RBFOX3: variants seen among roughly 807,000 people sequenced by gnomAD.
RBFOX3 encodes RNA binding protein fox-1 homolog 3.
Under a neutral mutation model 48.7 loss-of-function variants are expected in RBFOX3, and 17 were observed. The observed-to-expected ratio is 0.35, with a 90% confidence interval of 0.24 to 0.52. The LOEUF is 0.52. Among genes scored for constraint, RBFOX3 ranks in the 20% least tolerant of loss-of-function variants. The probability of loss-of-function intolerance (pLI) is 0.94; values close to 1 mark genes in which losing one functional copy is unlikely to be tolerated. For synonymous variants in RBFOX3, 212 were observed against 209.5 expected, an observed-to-expected ratio of 1.01 and a Z score of -0.10; for missense variants, 382 against 497.5, an observed-to-expected ratio of 0.77 and a Z score of 2.21.
At chr17:79,353,637 G>T (rs2084384329) in intron 2 of RBFOX3, among the ~76,000 whole-genome samples, 2 of 152,162 alleles carry the variant, frequency 1.3e-5, no homozygotes, top group Non-Finnish European at 2.9e-5. Context: ...GCAAGGAAAA[G>T]CCACGTGATT....
At chr17:79,628,001 C>T in the RBFOX3 span, among the ~76,000 whole-genome samples, 1 of 151,246 alleles carries the variant, frequency 6.6e-6, no homozygotes, top group African/African-American at 2.4e-5. Flanking sequence ...GGCGGCAGAA[C>T]AACTGCACAG....
chr17:79,570,802 G>A (rs1348051339), intron 1 of RBFOX3, among the ~76,000 whole-genome samples: 3 of 152,204 alleles, frequency 2.0e-5, no homozygotes, highest in African/African-American at 7.2e-5. Context: ...AACCCCTGAT[G>A]CAGGGCTCAC....
At chr17:79,399,246 T>C (rs2148375708) in intron 2 of RBFOX3, among the ~76,000 whole-genome samples, 1 of 152,250 alleles carries the variant, frequency 6.6e-6, no homozygotes, top group South Asian at 2.1e-4. Flanking sequence ...CCGTGGCAGT[T>C]TGTTACAGCG....
Position 79,427,871 on chromosome 17 carries a change from C to T in RBFOX3, c.-175+54583G>A, listed in dbSNP as rs74000085. Reference sequence around the variant, plus strand: ...ATGCACACATGAACACGTGTACACACGTCCCTGAGGATGCTTTGTCTCCCA... The same window carrying T: ...ATGCACACATGAACACGTGTACACATGTCCCTGAGGATGCTTTGTCTCCCA... On this transcript the variant is annotated intron_variant, in intron 2 of 14. Coordinates refer to ENST00000693108, the MANE Select transcript of RBFOX3 (RefSeq NM_001350451.2). Among the ~76,000 whole-genome samples, 423 of 152,368 alleles carry T rather than the reference C, an allele frequency of 2.8e-3. 1 individual carries two copies. Among genetic ancestry groups the T allele is most frequent in the African/African-American group, 9.4e-3 (389 of 41,582 alleles).
In RBFOX3 at chr17:79,426,334, C is replaced by T. The variant is rs141724057; in HGVS notation, c.-175+56120G>A. On this transcript the variant is annotated intron_variant, in intron 2 of 14. Coordinates refer to ENST00000693108, the MANE Select transcript of RBFOX3 (RefSeq NM_001350451.2). The stretch of plus-strand genomic sequence containing the variant: ...GGGAGAGGAGGTGTTCTCGTGAATG[C>T]GCCATGTCTTTCTTGCTCGAACAGT... 3.7e-3 allele frequency among the ~76,000 whole-genome samples: 570 copies of T among 152,286 alleles called. 2 individuals carry two copies. The highest frequency in any genetic ancestry group is 0.013 in the African/African-American group (542 of 41,566).
At chr17:79,619,557 G>T in the RBFOX3 span, among the ~76,000 whole-genome samples, 6 of 152,294 alleles carry the variant, frequency 3.9e-5, no homozygotes, top group Non-Finnish European at 8.8e-5. Flanking sequence ...CCCTGATCCT[G>T]TATGACTTCA....
chr17:79,395,963 A>C (rs2061948531), intron 2 of RBFOX3, among the ~76,000 whole-genome samples: 1 of 152,204 alleles, frequency 6.6e-6, no homozygotes, highest in Non-Finnish European at 1.5e-5. Flanking sequence ...AACAAGGTGC[A>C]CACAAGGAGC....
chr17:79,194,928 T>C (rs1338145214), intron 4 of RBFOX3, among the ~76,000 whole-genome samples: 2 of 152,260 alleles, frequency 1.3e-5, no homozygotes, highest in African/African-American at 4.8e-5. Context: ...TTTGTTTTAC[T>C]TTCTCAATGT....
At chr17:79,476,046 G>A (rs1487884379) in intron 2 of RBFOX3, among the ~76,000 whole-genome samples, 3 of 152,212 alleles carry the variant, frequency 2.0e-5, no homozygotes, top group Non-Finnish European at 4.4e-5. Context: ...GACTGTCCTG[G>A]GGGCTGCACC....
chr17:79,289,328 C>T (rs1461203687), intron 3 of RBFOX3, among the ~76,000 whole-genome samples: 1 of 152,198 alleles, frequency 6.6e-6, no homozygotes, highest in Non-Finnish European at 1.5e-5. Context: ...AAAACTCAGG[C>T]CTGTTTCTGC....
chr17:79,444,589 A>G, intron 2 of RBFOX3, among the ~76,000 whole-genome samples: 1 of 151,272 alleles, frequency 6.6e-6, no homozygotes, highest in Non-Finnish European at 1.5e-5. Flanking sequence ...GCTACCCTGG[A>G]CTCCTCTCTG....
intron 1 of RBFOX3, among the ~76,000 whole-genome samples, chr17:79,567,046 A>T (rs952150605): frequency 4.6e-5 from 7 of 152,072 alleles, no homozygotes; most frequent in Non-Finnish European, 8.8e-5. Flanking sequence ...CATGTCTGTT[A>T]ACCAACTTCC....
At chr17:79,250,649 T>C (rs6501294) in intron 3 of RBFOX3, among the ~76,000 whole-genome samples, 27,108 of 152,076 alleles carry the variant, frequency 0.18, 3,083 homozygotes, top group African/African-American at 0.33. Flanking sequence ...GGACCTCTGA[T>C]TTATAAAAAT....
intron 4 of RBFOX3, among the ~76,000 whole-genome samples, chr17:79,180,450 T>C (rs2051640340): frequency 6.6e-6 from 1 of 152,232 alleles, no homozygotes; most frequent in Admixed American, 6.5e-5. Context: ...GCTGTTGAGA[T>C]TGAATGTACA....
At chr17:79,359,202 C>T (rs1383841480) in intron 2 of RBFOX3, among the ~76,000 whole-genome samples, 4 of 152,246 alleles carry the variant, frequency 2.6e-5, no homozygotes, top group Non-Finnish European at 4.4e-5. Flanking sequence ...AGGGCAAGAG[C>T]TGAGGGGCTT....
Position 79,198,059 on chromosome 17 carries a change from C to T in RBFOX3, c.-34+37707G>A, listed in dbSNP as rs553780694. On this transcript the variant is annotated intron_variant, in intron 4 of 14. Coordinates refer to ENST00000693108, the MANE Select transcript of RBFOX3 (RefSeq NM_001350451.2). This position sits in a 1 kb window ranked among gnomAD's most constrained non-coding sequence, Gnocchi z 8.2. ...GTGCCTCTGTCTGCGTCAGGAGAGT[C>T]GTGTGGGGTGGGCTTGTCATCCCGG... 5.7e-5 allele frequency among the ~76,000 whole-genome samples: 8 copies of T among 141,172 alleles called. No individual in the cohort carries two copies. The East Asian group carries it at 6.3e-4, about 11-fold the overall frequency. 92.6% of individuals were successfully genotyped at this position (141,172 alleles called of 152,430 possible). A position where few individuals can be genotyped will look rare whatever the true frequency, so the allele number is the denominator to read the frequency against.
chr17:79,554,717 G>A (rs1055800082), intron 1 of RBFOX3, among the ~76,000 whole-genome samples: 5 of 152,190 alleles, frequency 3.3e-5, no homozygotes, highest in African/African-American at 1.2e-4. Flanking sequence ...ATTACAGGGT[G>A]GATAGTAATT....
rs149679973 is a variant in RBFOX3, at chr17:79,427,782, C to T, written c.-175+54672G>A. Among the ~76,000 whole-genome samples the T allele has an allele frequency of 3.1e-3, 470 of 152,382 alleles. 3 individuals are homozygous for T. The highest frequency in any genetic ancestry group is 9.8e-3 in the African/African-American group (406 of 41,594). On this transcript the variant is annotated intron_variant, in intron 2 of 14. Coordinates refer to ENST00000693108, the MANE Select transcript of RBFOX3 (RefSeq NM_001350451.2). ...AACCCCACCTGCACACGCACAGATGCGCACACACATATTTGCAACATGCAC... is the reference window on the plus strand; with the variant it reads ...AACCCCACCTGCACACGCACAGATGTGCACACACATATTTGCAACATGCAC...
At chr17:79,365,775 T>A (rs1291136982) in intron 2 of RBFOX3, among the ~76,000 whole-genome samples, 1 of 152,188 alleles carries the variant, frequency 6.6e-6, no homozygotes. Flanking sequence ...GCTCACAGAA[T>A]TCACAAGGTA....
Sources: gnomAD v4.1 joint callset for allele counts (sites outside exome capture counted in the v4.1 genomes callset) on GRCh38, gnomAD v4.1.1 for gene constraint, Gnocchi (gnomAD v3.1) non-coding constraint, MANE v1.5 for transcripts, NCBI Gene and HGNC (gene_info 2026-07-23, HGNC 2026-07-21) for gene names.